FER: variants seen among roughly 807,000 people sequenced by gnomAD.
FER encodes tyrosine-protein kinase Fer.
A neutral mutation model predicts 111.0 loss-of-function variants in FER; 63 were observed. That is an observed-to-expected ratio of 0.57 (90% CI 0.46 to 0.70). The LOEUF (loss-of-function observed/expected upper bound fraction) is 0.70, where lower values mean the gene tolerates loss of function less well. FER is among the 30% of genes least tolerant of loss of function. The pLI is 0.00. For synonymous variants in FER, 327 were observed against 313.9 expected (o/e 1.04, Z -0.44); for missense variants, 914 against 954.0 (o/e 0.96, Z 0.55).
Position 108,910,457 on chromosome 5 carries a change from C to T in FER, c.1236+12609C>T, listed in dbSNP as rs182107529. Among the ~76,000 whole-genome samples, 290 of 151,934 alleles carry T rather than the reference C, an allele frequency of 1.9e-3. 3 individuals are homozygous for T. Among genetic ancestry groups the T allele is most frequent in the African/African-American group, 6.4e-3 (267 of 41,486 alleles). The stretch of plus-strand genomic sequence containing the variant: ...TTCCCTATTCTTTGGAAGGCTTTTA[C>T]TTTTTTTAAAAAAAAGGTTTGTTTA... On this transcript the variant is annotated intron_variant, in intron 10 of 19. Transcript: ENST00000281092.
At chr5:109,134,924 TG>T (rs2126597071) in intron 17 of FER, among the ~76,000 whole-genome samples, 1 of 152,310 alleles carries the variant, frequency 6.6e-6, no homozygotes, top group Admixed American at 6.5e-5. Context: ...AAACAGCAGA[TG>T]TGTCTCCCAT....
chr5:109,097,864 T>C (rs565137124), intron 16 of FER, among the ~76,000 whole-genome samples: 39 of 151,944 alleles, frequency 2.6e-4, no homozygotes, highest in African/African-American at 9.1e-4. Flanking sequence ...ATTTAATTTT[T>C]ATTGAGGTCC....
chr5:108,820,743 T>C (rs1186712455), intron 3 of FER, among the ~76,000 whole-genome samples: 2 of 152,226 alleles, frequency 1.3e-5, no homozygotes, highest in Non-Finnish European at 2.9e-5. Flanking sequence ...AATTTAGTCT[T>C]TGTCCACATA....
Position 109,186,218 on chromosome 5 carries a change from G to C in FER, c.2222G>C (p.Ser741Thr). 3 of 1,614,174 alleles carry C rather than the reference G, an allele frequency of 1.9e-6. No homozygotes were observed. Among genetic ancestry groups the C allele is most frequent in the Non-Finnish European group, 2.5e-6 (3 of 1,179,998 alleles). Residue 741 changes from serine to threonine, a missense_variant, in exon 19 of 20, where the codon AGT becomes ACT. Physicochemically the swap from Ser to Thr is moderately conservative, Grantham distance 58. Around this residue, in one of 3 missense-constraint regions of FER, gnomAD observed 134 missense variants for 149.4 expected, o/e 0.90. Coordinates refer to ENST00000281092, the MANE Select transcript of FER (RefSeq NM_005246.4). ...ALNYGRYSSE[S>T]DVWSFGILLW... is the part of the protein sequence containing the mutation. Reference sequence around the variant, plus strand: ...CTTCCAGGGAGATACAGTTCAGAGAGTGACGTGTGGAGCTTTGGCATCCTT... The same window carrying C: ...CTTCCAGGGAGATACAGTTCAGAGACTGACGTGTGGAGCTTTGGCATCCTT...
intron 17 of FER, among the ~76,000 whole-genome samples, chr5:109,162,156 G>A (rs1436833670): frequency 6.6e-6 from 1 of 151,866 alleles, no homozygotes; most frequent in East Asian, 1.9e-4. Flanking sequence ...ACTTTTTCAG[G>A]AATGCTTTAC....
intron 1 of FER, among the ~76,000 whole-genome samples, chr5:108,760,436 A>G (rs184894554): frequency 9.2e-5 from 14 of 152,328 alleles, no homozygotes; most frequent in East Asian, 5.8e-4. Flanking sequence ...TTCTGTAGCT[A>G]TGAAAGTCCC....
chr5:109,008,592 C>T (rs941310765), intron 13 of FER, among the ~76,000 whole-genome samples: 1 of 152,082 alleles, frequency 6.6e-6, no homozygotes, highest in African/African-American at 2.4e-5. Context: ...TCTCACCTTC[C>T]CTAGGCCTTT....
intron 16 of FER, among the ~76,000 whole-genome samples, chr5:109,053,729 C>T (rs1481917339): frequency 2.9e-5 from 4 of 137,716 alleles, no homozygotes; most frequent in Admixed American, 7.6e-5. Context: ...ATCTCGCTCT[C>T]GCCCAGGCTG....
At chr5:109,085,070 C>A (rs1209880768) in intron 16 of FER, among the ~76,000 whole-genome samples, 1 of 151,730 alleles carries the variant, frequency 6.6e-6, no homozygotes, top group African/African-American at 2.4e-5. Context: ...TTTTATAGTT[C>A]TATGGAAAAA....
intron 13 of FER, among the ~76,000 whole-genome samples, chr5:108,967,803 A>G (rs1167982607): frequency 6.8e-6 from 1 of 147,882 alleles, no homozygotes; most frequent in Non-Finnish European, 1.5e-5. Context: ...AAGGGTAGGT[A>G]TGAGTAAAAC....
At chr5:109,086,826 A>T (rs899868757) in intron 16 of FER, among the ~76,000 whole-genome samples, 9 of 151,056 alleles carry the variant, frequency 6.0e-5, no homozygotes, top group African/African-American at 1.2e-4. Flanking sequence ...CTTAACAAAA[A>T]TTTTTTTCCC....
intron 13 of FER, among the ~76,000 whole-genome samples, chr5:109,026,236 A>G (rs1041120794): frequency 2.6e-5 from 4 of 152,216 alleles, no homozygotes; most frequent in African/African-American, 9.6e-5. Context: ...GAACTATTTT[A>G]TGTAGCTTGC....
intron 17 of FER, among the ~76,000 whole-genome samples, chr5:109,159,485 AG>A (rs1194340090): frequency 6.6e-6 from 1 of 152,182 alleles, no homozygotes; most frequent in African/African-American, 2.4e-5. Flanking sequence ...GGCAATTTGA[AG>A]TAGTTATTTT....
intron 13 of FER, among the ~76,000 whole-genome samples, chr5:109,004,962 A>T (rs1030552365): frequency 1.3e-5 from 2 of 152,108 alleles, no homozygotes; most frequent in African/African-American, 4.8e-5. Flanking sequence ...AACTACTGAT[A>T]AAAGCACTCC....
chr5:108,881,950 T>C (rs1432587206), intron 8 of FER, among the ~76,000 whole-genome samples: 1 of 152,154 alleles, frequency 6.6e-6, no homozygotes, highest in Non-Finnish European at 1.5e-5. Context: ...TGTATTTTAA[T>C]ATAATTAGAA....
chr5:108,899,524 C>T (rs372598893), intron 10 of FER, among the ~76,000 whole-genome samples: 91 of 152,004 alleles, frequency 6.0e-4, no homozygotes, highest in African/African-American at 1.8e-3. Flanking sequence ...CTTGGCTGGG[C>T]GCGGTGGCTC....
At chr5:108,821,345 C>G (rs1758823117) in intron 3 of FER, among the ~76,000 whole-genome samples, 1 of 151,882 alleles carries the variant, frequency 6.6e-6, no homozygotes, top group South Asian at 2.1e-4. Context: ...AGAGACTAGT[C>G]AATTCCTGCT....
chr5:109,015,576 A>G (rs1374135790), intron 13 of FER, among the ~76,000 whole-genome samples: 1 of 151,974 alleles, frequency 6.6e-6, no homozygotes, highest in African/African-American at 2.4e-5. Flanking sequence ...TGACAGGTAA[A>G]TAGATCAGTA....
At chr5:108,923,578 T>A (rs1299751606) in intron 10 of FER, among the ~76,000 whole-genome samples, 1 of 152,166 alleles carries the variant, frequency 6.6e-6, no homozygotes, top group Non-Finnish European at 1.5e-5. Context: ...GTTGTATCTT[T>A]GTTTAAAAAA....
Sources: gnomAD v4.1 joint callset for allele counts (sites outside exome capture counted in the v4.1 genomes callset) on GRCh38, gnomAD v4.1.1 for gene constraint, gnomAD v4.1.1 regional missense constraint, MANE v1.5 for transcripts, NCBI Gene and HGNC (gene_info 2026-07-23, HGNC 2026-07-21) for gene names.